WDFY3: variants seen among roughly 807,000 people sequenced by gnomAD.
The protein encoded by WDFY3 is WD repeat and FYVE domain-containing protein 3.
In WDFY3, 66 loss-of-function variants were observed where a neutral mutation model predicts 409.6. That is an observed-to-expected ratio of 0.16 (90% CI 0.13 to 0.20). WDFY3 has a LOEUF of 0.20. Among genes scored for constraint, WDFY3 ranks in the 10% least tolerant of loss-of-function variants. WDFY3 has a pLI of 1.00. For missense variants in WDFY3, 3,031 were observed against 4,298.1 expected (o/e 0.71, Z 8.24); for synonymous variants, 1,521 against 1,537.1 (o/e 0.99, Z 0.25).
At chr4:84,727,147 A>C (rs1735787476) in intron 44 of WDFY3, among the ~76,000 whole-genome samples, 1 of 152,304 alleles carries the variant, frequency 6.6e-6, no homozygotes, top group Non-Finnish European at 1.5e-5. Flanking sequence ...GTGCTACTGA[A>C]CAGGACAAAC....
In WDFY3 at chr4:84,736,341, A is replaced by C. The variant is rs1451149462; in HGVS notation, c.6758-14T>G. 1.3e-6 allele frequency: 2 copies of C among 1,568,188 alleles called. No homozygotes were observed. Among genetic ancestry groups the C allele is most frequent in the Non-Finnish European group, 8.6e-7 (1 of 1,162,122 alleles). On this transcript the variant is annotated splice_polypyrimidine_tract_variant and intron_variant, in intron 41 of 67. Coordinates refer to ENST00000295888, the MANE Select transcript of WDFY3 (RefSeq NM_014991.6). The stretch of plus-strand genomic sequence containing the variant: ...TCTTTTCATGGGCTATTAAAAAATC[A>C]AATTAGATTATTTTATAATTTCTCC...
intron 22 of WDFY3, among the ~76,000 whole-genome samples, 157 bp downstream of exon 22, chr4:84,789,569 T>C (rs1014602922): frequency 2.6e-5 from 4 of 151,942 alleles, no homozygotes; most frequent in Admixed American, 1.3e-4. Context: ...GTCTAACATA[T>C]TATTCAAATG....
intron 34 of WDFY3, 45 bp from the exon 35 acceptor site, chr4:84,753,921 C>A (rs1267418654): frequency 1.3e-6 from 2 of 1,483,690 alleles, no homozygotes; most frequent in Non-Finnish European, 1.8e-6. Flanking sequence ...CAGTTATTGA[C>A]ACTGCTATAA....
intron 47 of WDFY3, among the ~76,000 whole-genome samples, chr4:84,719,982 C>A (rs939922332): frequency 1.3e-5 from 2 of 152,156 alleles, no homozygotes; most frequent in African/African-American, 4.8e-5. Context: ...AAAGGTTATA[C>A]CAAGATCTAA....
chr4:84,753,557 G>A, intron 35 of WDFY3, 140 bp downstream of exon 35: 4 of 929,334 alleles, frequency 4.3e-6, no homozygotes, highest in Non-Finnish European at 5.9e-6. Context: ...AATGCAAGAG[G>A]TGATGTATAA....
intron 15 of WDFY3, among the ~76,000 whole-genome samples, 155 bp from the exon 16 acceptor site, chr4:84,803,622 ATG>A (rs780306157): frequency 6.1e-4 from 93 of 152,246 alleles, no homozygotes; most frequent in African/African-American, 2.2e-3. Flanking sequence ...TCGAGTTGAT[ATG>A]TGTGTGTGTC....
intron 63 of WDFY3, 88 bp from the exon 64 acceptor site, chr4:84,682,558 G>T: frequency 9.7e-7 from 1 of 1,026,746 alleles, no homozygotes; most frequent in East Asian, 2.6e-5. Flanking sequence ...GACTGTCAGG[G>T]TTAACAGATA....
intron 1 of WDFY3, among the ~76,000 whole-genome samples, chr4:84,946,727 G>A (rs370345667): frequency 3.3e-5 from 5 of 152,148 alleles, no homozygotes; most frequent in East Asian, 1.9e-4. Flanking sequence ...TTCCTAGCGC[G>A]CTATACATCA....
At chr4:84,901,102 A>G (rs1766281882) in intron 2 of WDFY3, among the ~76,000 whole-genome samples, 1 of 152,206 alleles carries the variant, frequency 6.6e-6, no homozygotes, top group African/African-American at 2.4e-5. Flanking sequence ...GCGAAAGGGC[A>G]AGAAACCTAA....
intron 58 of WDFY3, among the ~76,000 whole-genome samples, chr4:84,695,099 T>C (rs1729867633): frequency 6.6e-6 from 1 of 152,070 alleles, no homozygotes; most frequent in African/African-American, 2.4e-5. Context: ...TTCTCCACAC[T>C]GTGGAGAAGT....
Position 84,796,670 on chromosome 4 carries a change from C to T in WDFY3, c.3018G>A (p.Lys1006=). ...TTCCTTCCGCAGATTTTACCAGGCT[C>T]TTGCTTATCCGGTAATGGTTATCTT... ...LHEDNHYRIS[K]SLVKSAEGST... is the part of the protein sequence containing the mutation. The change falls in exon 19 of 68, where the codon AAG becomes AAA. Residue 1006 remains lysine (K), a synonymous_variant. Transcript: ENST00000295888. The T allele has an allele frequency of 1.2e-6, 2 of 1,614,156 alleles. No homozygotes were observed. Among genetic ancestry groups the T allele is most frequent in the Non-Finnish European group, 1.7e-6 (2 of 1,180,024 alleles).
intron 1 of WDFY3, among the ~76,000 whole-genome samples, chr4:84,955,762 ATTGT>A (rs2151159007): frequency 6.6e-6 from 1 of 152,322 alleles, no homozygotes; most frequent in East Asian, 1.9e-4. Flanking sequence ...GGTATATTAA[ATTGT>A]TTTTCTAAAC....
At chr4:84,703,566 C>T (rs1380040511) in intron 55 of WDFY3, among the ~76,000 whole-genome samples, 1 of 152,224 alleles carries the variant, frequency 6.6e-6, no homozygotes, top group Admixed American at 6.5e-5. Flanking sequence ...CACACTGGCC[C>T]CCGGGCTGCT....
intron 55 of WDFY3, 102 bp downstream of exon 55, chr4:84,704,236 G>T: frequency 1.2e-6 from 1 of 843,954 alleles, no homozygotes. Flanking sequence ...CTAAAATTTC[G>T]CAGAGCTTCT....
chr4:84,797,215 C>T (rs967925950), intron 18 of WDFY3, among the ~76,000 whole-genome samples: 1 of 152,042 alleles, frequency 6.6e-6, no homozygotes, highest in African/African-American at 2.4e-5. Flanking sequence ...ACTTGCTTCT[C>T]CCATTTTTTC....
chr4:84,917,584 A>G (rs965002824), intron 2 of WDFY3, among the ~76,000 whole-genome samples: 3 of 152,170 alleles, frequency 2.0e-5, no homozygotes, highest in Non-Finnish European at 4.4e-5. Flanking sequence ...ACAAGGATAA[A>G]TAGAGCATCT....
intron 1 of WDFY3, among the ~76,000 whole-genome samples, chr4:84,957,784 T>C (rs914633858): frequency 6.6e-6 from 1 of 152,218 alleles, no homozygotes; most frequent in African/African-American, 2.4e-5. Context: ...AACTTATTTC[T>C]GGTGCTGGGC....
rs746521224 is a variant in WDFY3 at position 84,844,425 on chromosome 4, A to G, written c.305-3162T>C. ...CTTCCATGCTTCTTTTCATTTGACA[A>G]TATATAACCACATCTTGGGAATGAA... On this transcript the variant is annotated intron_variant, in intron 5 of 67. Transcript: ENST00000295888. 4.7e-6 allele frequency: 6 copies of G among 1,286,776 alleles called. No homozygotes were observed. In the African/African-American group the frequency reaches 6.1e-5, roughly 13 times the overall value. The allele number at this position is 1,286,776 out of a possible 1,614,324, so 79.7% of individuals were successfully genotyped here. A position where few individuals can be genotyped will look rare whatever the true frequency, so the allele number is the denominator to read the frequency against.
intron 2 of WDFY3, among the ~76,000 whole-genome samples, chr4:84,922,968 G>A (rs1413724782): frequency 6.6e-6 from 1 of 152,212 alleles, no homozygotes; most frequent in Non-Finnish European, 1.5e-5. Context: ...AAATCGAAGT[G>A]TTTGGCCTAT....
Sources: allele counts gnomAD v4.1 joint callset (sites outside exome capture counted in the v4.1 genomes callset), GRCh38; gene constraint gnomAD v4.1.1; transcripts MANE v1.5; gene names NCBI Gene and HGNC (gene_info 2026-07-23, HGNC 2026-07-21).